KCNQ5: variants seen among roughly 807,000 people sequenced by gnomAD.
KCNQ5 encodes potassium voltage-gated channel subfamily Q member 5.
KCNQ5 carries 30 observed loss-of-function variants against 98.2 expected under a neutral mutation model. The ratio of observed to expected loss-of-function variants is 0.31; its 90% CI spans 0.23 to 0.41. The LOEUF is 0.41. KCNQ5 is among the 10% of genes least tolerant of loss of function. The probability of loss-of-function intolerance (pLI) is 1.00; values close to 1 mark genes in which losing one functional copy is unlikely to be tolerated. For missense variants in KCNQ5, 835 were observed against 1,182.5 expected (o/e 0.71, Z 4.31); for synonymous variants, 458 against 449.4 (o/e 1.02, Z -0.24).
intron 1 of KCNQ5, among the ~76,000 whole-genome samples, chr6:72,720,883 T>G (rs1044146965): frequency 6.6e-6 from 1 of 152,186 alleles, no homozygotes; most frequent in Non-Finnish European, 1.5e-5. Flanking sequence ...TTGCTTCTTC[T>G]TAAAAAGAAT....
intron 1 of KCNQ5, among the ~76,000 whole-genome samples, chr6:72,836,182 G>C (rs1776494746): frequency 1.3e-5 from 2 of 152,108 alleles, no homozygotes; most frequent in Admixed American, 1.3e-4. Flanking sequence ...GATTTTGGTG[G>C]ATGAATCTAA....
intron 10 of KCNQ5, among the ~76,000 whole-genome samples, chr6:73,162,083 A>AT (rs57770655): frequency 0.12 from 16,511 of 140,974 alleles, 1,195 homozygotes; most frequent in East Asian, 0.26. Flanking sequence ...TGCCCAGCTA[A>AT]TTTTTTTTTT....
At position 72,796,147 on chromosome 6, in the gene KCNQ5, C is replaced by T. The variant is rs540226762; in HGVS notation, c.398+173560C>T. On this transcript the variant is annotated intron_variant, in intron 1 of 13. Transcript: ENST00000370398. ...AATAACCAATGAGTATATGAATATT[C>T]ATATTTGCCTATTATAGGCAAGTCA... Among the ~76,000 whole-genome samples, 4 of 152,098 alleles carry T rather than the reference C, an allele frequency of 2.6e-5. No individual in the cohort carries two copies. The East Asian group carries it at 7.7e-4, about 29-fold the overall frequency.
At chr6:72,635,749 T>C (rs1297393623) in intron 1 of KCNQ5, among the ~76,000 whole-genome samples, 2 of 151,230 alleles carry the variant, frequency 1.3e-5, no homozygotes, top group East Asian at 3.9e-4. Flanking sequence ...CATTTCTTTG[T>C]ACAAAATGTT....
At chr6:73,090,027 A>G (rs2150403703) in intron 5 of KCNQ5, among the ~76,000 whole-genome samples, 1 of 152,356 alleles carries the variant, frequency 6.6e-6, no homozygotes, top group East Asian at 1.9e-4. Flanking sequence ...CATTCCAACC[A>G]GCAGTGTAGA....
chr6:72,844,165 TA>T (rs1001561070), intron 1 of KCNQ5, among the ~76,000 whole-genome samples: 3 of 152,060 alleles, frequency 2.0e-5, no homozygotes, highest in Admixed American at 6.6e-5. Context: ...AGTATAATAA[TA>T]AAAAAAATTA....
intron 1 of KCNQ5, among the ~76,000 whole-genome samples, chr6:72,754,015 G>T (rs942068734): frequency 1.3e-5 from 2 of 152,052 alleles, no homozygotes; most frequent in East Asian, 3.9e-4. Context: ...GTATAATTTT[G>T]ATTTCTTTTT....
chr6:73,117,410 G>A (rs1473138158), intron 7 of KCNQ5, among the ~76,000 whole-genome samples: 1 of 152,220 alleles, frequency 6.6e-6, no homozygotes, highest in Non-Finnish European at 1.5e-5. Context: ...TTTGGGAGAT[G>A]AGTAATGAAG....
intron 5 of KCNQ5, among the ~76,000 whole-genome samples, chr6:73,101,626 A>G (rs1265056243): frequency 6.6e-6 from 1 of 152,202 alleles, no homozygotes; most frequent in Non-Finnish European, 1.5e-5. Context: ...AATCTGAAAA[A>G]GAAATTGAGA....
intron 3 of KCNQ5, among the ~76,000 whole-genome samples, chr6:73,043,422 G>A (rs1771810741): frequency 6.6e-6 from 1 of 152,208 alleles, no homozygotes; most frequent in Non-Finnish European, 1.5e-5. Flanking sequence ...TCATGCTAAG[G>A]TATGGAGCAA....
chr6:72,931,271 A>T (rs1019918646), intron 1 of KCNQ5, among the ~76,000 whole-genome samples: 2 of 152,184 alleles, frequency 1.3e-5, no homozygotes, highest in Non-Finnish European at 1.5e-5. Context: ...TGTCTCTCTG[A>T]ATCTGTAGCA....
chr6:73,067,648 G>A (rs1003642628), intron 3 of KCNQ5, among the ~76,000 whole-genome samples: 2 of 152,104 alleles, frequency 1.3e-5, no homozygotes, highest in African/African-American at 4.8e-5. Flanking sequence ...ATGAAATAAA[G>A]TCTGTGTACT....
chr6:72,740,908 G>A (rs986340166), intron 1 of KCNQ5, among the ~76,000 whole-genome samples: 1 of 152,118 alleles, frequency 6.6e-6, no homozygotes, highest in African/African-American at 2.4e-5. Flanking sequence ...AGCATCTTTT[G>A]GGAGGGAGAC....
chr6:73,021,238 G>A (rs1770594060), intron 2 of KCNQ5, among the ~76,000 whole-genome samples: 2 of 152,148 alleles, frequency 1.3e-5, no homozygotes, highest in African/African-American at 4.8e-5. Context: ...TGCTACAGTT[G>A]TTGGTTTCCA....
At chr6:72,896,894 G>A (rs144179036) in intron 1 of KCNQ5, among the ~76,000 whole-genome samples, 528 of 152,178 alleles carry the variant, frequency 3.5e-3, no homozygotes, top group Non-Finnish European at 4.8e-3. Context: ...GTCTCCTTTG[G>A]TGTTCTCTTA....
At chr6:73,063,925 T>G (rs577683143) in intron 3 of KCNQ5, among the ~76,000 whole-genome samples, 3 of 152,294 alleles carry the variant, frequency 2.0e-5, no homozygotes, top group East Asian at 3.9e-4. Context: ...TGTTTATCCC[T>G]AAGGATTAGC....
At chr6:72,867,106 G>A (rs947707272) in intron 1 of KCNQ5, among the ~76,000 whole-genome samples, 2 of 152,178 alleles carry the variant, frequency 1.3e-5, no homozygotes, top group Admixed American at 6.5e-5. Context: ...AGAATTGAAG[G>A]AAGATAGTTT....
intron 1 of KCNQ5, among the ~76,000 whole-genome samples, chr6:72,953,641 A>C (rs1766908760): frequency 6.6e-6 from 1 of 152,094 alleles, no homozygotes; most frequent in South Asian, 2.1e-4. Flanking sequence ...TCCCTTCTGT[A>C]ACTAAGAAAT....
intron 1 of KCNQ5, among the ~76,000 whole-genome samples, chr6:72,707,809 G>A (rs1179420279): frequency 1.3e-5 from 2 of 152,148 alleles, no homozygotes; most frequent in Non-Finnish European, 2.9e-5. Context: ...TAAATCTTGG[G>A]TTTAAGAGAC....
Sources: gnomAD v4.1 joint callset for allele counts (sites outside exome capture counted in the v4.1 genomes callset) on GRCh38, gnomAD v4.1.1 for gene constraint, MANE v1.5 for transcripts, NCBI Gene and HGNC (gene_info 2026-07-23, HGNC 2026-07-21) for gene names.